Variants in MARCHF1 observed in about 807,000 individuals in gnomAD.
The protein encoded by MARCHF1 is E3 ubiquitin-protein ligase MARCHF1.
Under a neutral mutation model 54.2 loss-of-function variants are expected in MARCHF1, and 40 were observed. That is an observed-to-expected ratio of 0.74 (90% CI 0.57 to 0.96). The LOEUF (loss-of-function observed/expected upper bound fraction) is 0.96, where lower values mean the gene tolerates loss of function less well. Among genes scored for constraint, MARCHF1 ranks in the 40% least tolerant of loss-of-function variants. The pLI, the probability that MARCHF1 is intolerant of heterozygous loss-of-function variation, is 0.00. For missense variants in MARCHF1, 586 were observed against 656.5 expected, an observed-to-expected ratio of 0.89 and a Z score of 1.17; for synonymous variants, 236 against 236.3, an observed-to-expected ratio of 1.00 and a Z score of 0.01.
At chr4:163,729,106 ACCT>A (rs1455624120) in intron 4 of MARCHF1, among the ~76,000 whole-genome samples, 36 of 152,158 alleles carry the variant, frequency 2.4e-4, no homozygotes, top group African/African-American at 8.4e-4. Context: ...AGCCTTGCAG[ACCT>A]GAGATAAATC....
At chr4:164,083,821 T>G (rs1755145832) in intron 2 of MARCHF1, among the ~76,000 whole-genome samples, 1 of 152,010 alleles carries the variant, frequency 6.6e-6, no homozygotes, top group Admixed American at 6.6e-5. Context: ...AATAGTAACC[T>G]CCAACACTAC....
At chr4:163,646,907 A>C (rs1197374438) in intron 5 of MARCHF1, among the ~76,000 whole-genome samples, 1 of 152,168 alleles carries the variant, frequency 6.6e-6, no homozygotes, top group Admixed American at 6.6e-5. Context: ...GTAAGTCTGC[A>C]TCTATCAATA....
chr4:164,354,110 G>A (rs1730439370), intron 1 of MARCHF1, among the ~76,000 whole-genome samples: 1 of 90,600 alleles, frequency 1.1e-5, no homozygotes, highest in Non-Finnish European at 2.4e-5. Flanking sequence ...CTGAAATTGG[G>A]GCAATAATCA....
chr4:164,150,955 G>A lies in MARCHF1; in HGVS notation c.-322-39293C>T, dbSNP rs1729918753. Reference sequence around the variant, plus strand: ...TGAATGGGAATAGGAGGGCAAAAGTGTCAGTGGTGGAGTGCTGTGATGTGA... The same window carrying A: ...TGAATGGGAATAGGAGGGCAAAAGTATCAGTGGTGGAGTGCTGTGATGTGA... On this transcript the variant is annotated intron_variant, in intron 1 of 9. Transcript: ENST00000514618. 3.9e-5 allele frequency among the ~76,000 whole-genome samples: 6 copies of A among 152,172 alleles called. No homozygotes were observed. In the South Asian group the frequency reaches 1.0e-3, roughly 26 times the overall value.
intron 1 of MARCHF1, among the ~76,000 whole-genome samples, chr4:164,345,392 C>T (rs890816955): frequency 2.0e-5 from 3 of 151,816 alleles, no homozygotes; most frequent in African/African-American, 7.3e-5. Context: ...CATGGTGAAT[C>T]CCTGTCCTAT....
intron 5 of MARCHF1, among the ~76,000 whole-genome samples, chr4:163,641,349 G>C (rs1200524195): frequency 6.6e-6 from 1 of 152,052 alleles, no homozygotes; most frequent in African/African-American, 2.4e-5. Context: ...TACAATTCCT[G>C]TAATTTAGTT....
intron 1 of MARCHF1, among the ~76,000 whole-genome samples, chr4:164,372,531 A>AT (rs1002681368): frequency 5.3e-5 from 8 of 152,046 alleles, no homozygotes; most frequent in African/African-American, 9.7e-5. Flanking sequence ...TATTTCTATA[A>AT]TTTTTTTATA....
chr4:163,906,687 A>C (rs1180787864), intron 3 of MARCHF1, among the ~76,000 whole-genome samples: 3 of 151,860 alleles, frequency 2.0e-5, no homozygotes, highest in Non-Finnish European at 4.4e-5. Context: ...TTTTAAATTG[A>C]CTACTCTCAA....
rs1754228496 is a variant in MARCHF1, at chr4:164,045,691, AAC to A, written c.-247-56984_-247-56983del. On this transcript the variant is annotated intron_variant, in intron 2 of 9. Transcript: ENST00000514618. ...TCATTCTGGCTTAGTAAAAAAAAAAAACAGCAAAATACACCGTTCTAACAGAA... is the reference window on the plus strand; with the variant it reads ...TCATTCTGGCTTAGTAAAAAAAAAAAAGCAAAATACACCGTTCTAACAGAA... Among the ~76,000 whole-genome samples the A allele has an allele frequency of 2.1e-5, 3 of 146,176 alleles. 1 individual carries two copies. The Middle Eastern group carries it at 0.011, about 530-fold the overall frequency.
At chr4:163,864,744 T>A (rs1370420091) in intron 3 of MARCHF1, among the ~76,000 whole-genome samples, 1 of 151,960 alleles carries the variant, frequency 6.6e-6, no homozygotes, top group East Asian at 1.9e-4. Context: ...CTACATCTTA[T>A]TTCAATATAC....
At chr4:164,211,766 T>C (rs1489949421) in intron 1 of MARCHF1, among the ~76,000 whole-genome samples, 7 of 151,650 alleles carry the variant, frequency 4.6e-5, no homozygotes, top group African/African-American at 7.3e-5. Flanking sequence ...TGGGAATGAG[T>C]TGAAGTGAAA....
At chr4:164,168,413 C>G (rs1229656070) in intron 1 of MARCHF1, among the ~76,000 whole-genome samples, 1 of 151,978 alleles carries the variant, frequency 6.6e-6, no homozygotes, top group African/African-American at 2.4e-5. Flanking sequence ...AAAGGAGATG[C>G]AATCACCACC....
intron 2 of MARCHF1, among the ~76,000 whole-genome samples, chr4:164,064,929 T>A (rs749377580): frequency 3.9e-5 from 6 of 152,174 alleles, no homozygotes; most frequent in Non-Finnish European, 8.8e-5. Context: ...TGTCTTTAGT[T>A]CTGTTTATGT....
intron 3 of MARCHF1, among the ~76,000 whole-genome samples, chr4:163,898,058 C>CT (rs1299021697): frequency 2.8e-5 from 1 of 35,484 alleles, no homozygotes; most frequent in East Asian, 7.2e-4. Context: ...GAGACTCCGT[C>CT]TCAAAAAAAA....
At chr4:163,769,007 G>A (rs911473729) in intron 4 of MARCHF1, among the ~76,000 whole-genome samples, 2 of 152,082 alleles carry the variant, frequency 1.3e-5, no homozygotes, top group Non-Finnish European at 2.9e-5. Context: ...ACGTGAATAA[G>A]TCCAGCTAAT....
At chr4:163,768,877 C>G (rs959398328) in intron 4 of MARCHF1, among the ~76,000 whole-genome samples, 1 of 152,126 alleles carries the variant, frequency 6.6e-6, no homozygotes, top group Non-Finnish European at 1.5e-5. Flanking sequence ...TATACTTTCT[C>G]TTTCTTTAAG....
At chr4:163,817,973 A>AG (rs1273254611) in intron 4 of MARCHF1, among the ~76,000 whole-genome samples, 1 of 57,146 alleles carries the variant, frequency 1.7e-5, no homozygotes, top group Non-Finnish European at 3.4e-5. Flanking sequence ...GGGTGGGGGG[A>AG]GGGGGGAGGG....
intron 2 of MARCHF1, among the ~76,000 whole-genome samples, chr4:164,078,429 T>A (rs969897419): frequency 6.6e-6 from 1 of 152,134 alleles, no homozygotes; most frequent in Admixed American, 6.5e-5. Context: ...CTAATGTAGA[T>A]GACAGGTTGA....
At chr4:163,745,391 G>C (rs895523415) in intron 4 of MARCHF1, among the ~76,000 whole-genome samples, 3 of 152,072 alleles carry the variant, frequency 2.0e-5, no homozygotes, top group African/African-American at 7.2e-5. Context: ...GGGATTACAG[G>C]CATGAGCCAC....
Sources: allele counts gnomAD v4.1 joint callset (sites outside exome capture counted in the v4.1 genomes callset), GRCh38; gene constraint gnomAD v4.1.1; transcripts MANE v1.5; gene names NCBI Gene and HGNC (gene_info 2026-07-23, HGNC 2026-07-21).